Variants in SGO1 observed in about 807,000 individuals in gnomAD.
SGO1 encodes shugoshin 1.
A neutral mutation model predicts 50.5 loss-of-function variants in SGO1; 39 were observed. That is an observed-to-expected ratio of 0.77 (90% CI 0.60 to 1.01). SGO1 has a LOEUF of 1.01. Ranked by LOEUF, SGO1 falls within the 50% of genes least tolerant of loss-of-function variation. The pLI, the probability that SGO1 is intolerant of heterozygous loss-of-function variation, is 0.00. For missense variants in SGO1, 638 were observed against 606.0 expected, an observed-to-expected ratio of 1.05 and a Z score of -0.55; for synonymous variants, 191 against 205.1, an observed-to-expected ratio of 0.93 and a Z score of 0.59.
At position 20,178,330 on chromosome 3, in the gene SGO1, G is replaced by A. The variant is rs769930168; in HGVS notation, c.357C>T (p.Ser119=). 1 of 1,611,658 alleles carries A rather than the reference G, an allele frequency of 6.2e-7. No homozygotes were observed. The highest frequency in any genetic ancestry group is 1.1e-5 in the South Asian group (1 of 90,984). ...VEPAQNQEIC[S]SGMDPNSDDS... The stretch of plus-strand genomic sequence containing the variant: ...CATCACTATTGGGGTCCATTCCAGA[G>A]GAACATATTTCCTGGTTCTGTTAAT... Residue 119 remains serine, a synonymous_variant, in exon 4 of 8, where the codon TCC becomes TCT. Transcript: ENST00000412997.
chr3:20,163,119 A>G (rs1575173311), intron 8 of SGO1, among the ~76,000 whole-genome samples: 2 of 152,296 alleles, frequency 1.3e-5, no homozygotes, highest in Admixed American at 1.3e-4. Context: ...AAGAGTAGGA[A>G]TCAATGAAAT....
In SGO1 at chr3:20,174,693, T is replaced by G; in HGVS notation, c.838A>C (p.Thr280Pro). The change falls in exon 6 of 8, where the codon ACT becomes CCT. Residue 280 changes from threonine to proline, a missense_variant. By Grantham distance (38) the Thr-to-Pro change is conservative. Coordinates refer to ENST00000412997, the MANE Select transcript of SGO1 (RefSeq NM_001199251.3). ...TGTGTATCTCTTTGCTTACTTTTAG[T>G]TTGTTCAGATTTAGATTCTAAAATG... Reference protein sequence around the residue: ...EDILESKSEQTKSKQRDTQER... With the variant: ...EDILESKSEQPKSKQRDTQER... 1.2e-6 allele frequency: 2 copies of G among 1,613,372 alleles called. No homozygotes were observed. Among genetic ancestry groups the G allele is most frequent in the Non-Finnish European group, 8.5e-7 (1 of 1,179,872 alleles).
intron 3 of SGO1, 142 bp downstream of exon 3, chr3:20,183,466 T>C: frequency 1.5e-6 from 1 of 688,910 alleles, no homozygotes; most frequent in Non-Finnish European, 2.3e-6. Flanking sequence ...GCAATAGCTA[T>C]GCTGGAGCAC....
At chr3:20,166,327 C>G (rs1177054727), downstream of SGO1, among the ~76,000 whole-genome samples, 1 of 151,992 alleles carries the variant, frequency 6.6e-6, no homozygotes, top group Non-Finnish European at 1.5e-5. Context: ...GACATTTCTT[C>G]AAAGATATAC....
At chr3:20,175,632 T>A (rs1393648761) in intron 5 of SGO1, among the ~76,000 whole-genome samples, 1 of 150,382 alleles carries the variant, frequency 6.6e-6, no homozygotes, top group South Asian at 2.1e-4. Context: ...CCGTCTCTAC[T>A]AAAAAAAATA....
intron 3 of SGO1, among the ~76,000 whole-genome samples, chr3:20,183,356 A>G (rs541816869): frequency 2.0e-5 from 3 of 152,178 alleles, no homozygotes; most frequent in Admixed American, 6.5e-5. Flanking sequence ...AGGCTAAACT[A>G]TTTCTTCTGG....
downstream of SGO1, among the ~76,000 whole-genome samples, chr3:20,165,373 G>C (rs1468814660): frequency 6.6e-6 from 1 of 152,152 alleles, no homozygotes; most frequent in African/African-American, 2.4e-5. Context: ...CAACACTGGG[G>C]ATCAGATTTC....
At chr3:20,179,094 C>A (rs1424985691) in intron 3 of SGO1, among the ~76,000 whole-genome samples, 1 of 151,904 alleles carries the variant, frequency 6.6e-6, no homozygotes, top group Non-Finnish European at 1.5e-5. Context: ...AGCTCAAGGA[C>A]TGAAAAGGGA....
intron 3 of SGO1, among the ~76,000 whole-genome samples, chr3:20,182,891 G>A (rs1045598759): frequency 2.8e-4 from 43 of 152,156 alleles, no homozygotes; most frequent in African/African-American, 9.4e-4. Context: ...GGTGGCGGGT[G>A]CCTGTAGTCC....
intron 3 of SGO1, among the ~76,000 whole-genome samples, chr3:20,178,746 A>G (rs146297097): frequency 0.011 from 1,701 of 152,334 alleles, 38 homozygotes; most frequent in African/African-American, 0.038. Flanking sequence ...GCAAATACAC[A>G]TAAGAAAAAT....
rs1471625130 is a variant in SGO1, at chr3:20,174,387, A to G, written c.1144T>C (p.Tyr382His). ...TGAATGTACTTGCAAGTGGGCAAAT[A>G]GAGGTCATCGGAATCATCTCCTGAA... ...SGSGDDSDDLYLPTCKYIQNP... is the reference protein window; with the variant it reads ...SGSGDDSDDLHLPTCKYIQNP... The change falls in exon 6 of 8, where the codon TAT (tyrosine) becomes CAT (histidine). Residue 382 changes from tyrosine to histidine, a missense_variant. Transcript: ENST00000412997. The G allele has an allele frequency of 1.2e-6, 2 of 1,614,050 alleles. No individual in the cohort carries two copies. Among genetic ancestry groups the G allele is most frequent in the Non-Finnish European group, 1.7e-6 (2 of 1,180,036 alleles).
chr3:20,168,599 A>G (rs59527607), downstream of SGO1, among the ~76,000 whole-genome samples: 53,551 of 151,028 alleles, frequency 0.35, 9,847 homozygotes, highest in East Asian at 0.58. Flanking sequence ...CTAGCCACAT[A>G]TGGCTACTGA....
chr3:20,168,927 G>A (rs1189439085), downstream of SGO1: 11 of 984,782 alleles, frequency 1.1e-5, no homozygotes, highest in East Asian at 2.3e-4. Context: ...GTAGTTTCTC[G>A]TGCCTGGCTG....
At position 20,174,390 on chromosome 3, in the gene SGO1, G is replaced by A; in HGVS notation, c.1141C>T (p.Leu381Phe). The A allele has an allele frequency of 1.2e-6, 2 of 1,614,114 alleles. No individual in the cohort carries two copies. The highest frequency in any genetic ancestry group is 1.7e-6 in the Non-Finnish European group (2 of 1,180,012). ...SSGSGDDSDD[L>F]YLPTCKYIQN... ...ATGTACTTGCAAGTGGGCAAATAGA[G>A]GTCATCGGAATCATCTCCTGAACCA... is the stretch of plus-strand genomic sequence containing the variant. The change falls in exon 6 of 8, where the codon CTC (leucine) becomes TTC (phenylalanine). Residue 381 changes from leucine to phenylalanine, a missense_variant. Transcript: ENST00000412997.
chr3:20,172,831 T>C (rs1386425785), intron 6 of SGO1, among the ~76,000 whole-genome samples: 1 of 147,396 alleles, frequency 6.8e-6, no homozygotes, highest in African/African-American at 2.5e-5. Context: ...CCAGGTGTGA[T>C]GGCGCATGCC....
exon 9 of SGO1, chr3:20,161,081 C>G: frequency 6.2e-7 from 1 of 1,613,372 alleles, no homozygotes; most frequent in Non-Finnish European, 8.5e-7. Context: ...AAAAAGTTTT[C>G]TAAGGATGTG....
chr3:20,162,828 A>C (rs1407416327), intron 8 of SGO1, among the ~76,000 whole-genome samples: 1 of 151,812 alleles, frequency 6.6e-6, no homozygotes, highest in East Asian at 1.9e-4. Flanking sequence ...ATCATGACAG[A>C]AAAAATACAC....
downstream of SGO1, among the ~76,000 whole-genome samples, chr3:20,168,070 T>C (rs1448343109): frequency 1.3e-5 from 2 of 152,154 alleles, no homozygotes; most frequent in African/African-American, 4.8e-5. Flanking sequence ...AATATTCCTA[T>C]AAAATGTTAA....
intron 4 of SGO1, among the ~76,000 whole-genome samples, chr3:20,177,916 C>G (rs1168465779): frequency 1.4e-5 from 2 of 141,660 alleles, no homozygotes; most frequent in African/African-American, 4.9e-5. Context: ...CTGAACCAGA[C>G]TATTCAGAGG....
Sources: gnomAD v4.1 joint callset for allele counts (sites outside exome capture counted in the v4.1 genomes callset) on GRCh38, gnomAD v4.1.1 for gene constraint, MANE v1.5 for transcripts, NCBI Gene and HGNC (gene_info 2026-07-23, HGNC 2026-07-21) for gene names.